SPEN: variants seen among roughly 807,000 people sequenced by gnomAD.
The protein encoded by SPEN is spen family transcriptional repressor.
A neutral mutation model predicts 269.9 loss-of-function variants in SPEN; 18 were observed. That is an observed-to-expected ratio of 0.07 (90% CI 0.05 to 0.10). The LOEUF (loss-of-function observed/expected upper bound fraction) is 0.10, where lower values mean the gene tolerates loss of function less well. Ranked by LOEUF, SPEN falls within the 10% of genes least tolerant of loss-of-function variation. The pLI is 1.00. For synonymous variants in SPEN, 1,726 were observed against 1,765.7 expected (o/e 0.98, Z 0.56); for missense variants, 3,822 against 4,631.2 (o/e 0.83, Z 5.07).
At chr1:15,898,558 C>CTTTTTTTTTT (rs375319827) in intron 3 of SPEN, among the ~76,000 whole-genome samples, 58 of 131,978 alleles carry the variant, frequency 4.4e-4, no homozygotes, top group South Asian at 1.4e-3. Flanking sequence ...TTCTTTTTTT[C>CTTTTTTTTTT]TTTTTTTTTT....
At position 15,937,400 on chromosome 1, in the gene SPEN, G is replaced by C. The variant is rs1344289344; in HGVS notation, c.10264G>C (p.Ala3422Pro). The C allele has an allele frequency of 6.2e-7, 1 of 1,613,612 alleles. No homozygotes were observed. The highest frequency in any genetic ancestry group is 1.3e-5 in the African/African-American group (1 of 74,870). Residue 3422 changes from alanine to proline, a missense_variant, in exon 12 of 15, where the codon GCA becomes CCA. Physicochemically the swap from Ala to Pro is conservative, Grantham distance 27 (BLOSUM62 -1). Around this residue, in one of 16 missense-constraint regions of SPEN, gnomAD observed 359 missense variants for 377.3 expected, o/e 0.95. Transcript: ENST00000375759. This position sits in a 1 kb window ranked among gnomAD's most constrained non-coding sequence, Gnocchi z 5.7. ...PPEPHTQVQR[A>P]QAETGPTSFP... ...TGAGCCTCACACCCAGGTTCAGAGG[G>C]CACAAGCAGAAACAGGCCCGACTTC...
In SPEN at chr1:15,929,367, G is replaced by A; in HGVS notation, c.3127G>A (p.Glu1043Lys). Reference protein sequence around the residue: ...GEAERKPVRKEILKRESKKIK... With the variant: ...GEAERKPVRKKILKRESKKIK... Reference sequence around the variant, plus strand: ...GGCTGAAAGAAAGCCTGTGAGGAAAGAAATTCTTAAAAGAGAATCTAAAAA... The same window carrying A: ...GGCTGAAAGAAAGCCTGTGAGGAAAAAAATTCTTAAAAGAGAATCTAAAAA... Residue 1043 changes from glutamate to lysine, a missense_variant, in exon 11 of 15, where the codon GAA becomes AAA. Around this residue, in one of 16 missense-constraint regions of SPEN, gnomAD observed 572 missense variants for 582.6 expected, o/e 0.98. Transcript: ENST00000375759. The surrounding 1 kb of genome is among the most constrained non-coding windows in gnomAD (Gnocchi z 5.8). 6.2e-7 allele frequency: 1 copy of A among 1,613,146 alleles called. No homozygotes were observed. The highest frequency in any genetic ancestry group is 8.5e-7 in the Non-Finnish European group (1 of 1,179,712).
intron 3 of SPEN, among the ~76,000 whole-genome samples, 198 bp downstream of exon 3, chr1:15,876,876 T>G (rs1042262853): frequency 5.3e-5 from 8 of 152,246 alleles, no homozygotes; most frequent in Admixed American, 5.2e-4. Context: ...ATTTGCAAAG[T>G]TCTGTTTCAT....
Position 15,937,501 on chromosome 1 carries a change from G to C in SPEN, c.10365G>C (p.Gln3455His). The C allele has an allele frequency of 3.1e-6, 5 of 1,613,804 alleles. No individual in the cohort carries two copies. The highest frequency in any genetic ancestry group is 4.2e-6 in the Non-Finnish European group (5 of 1,179,994). The change falls in exon 12 of 15, where the codon CAG becomes CAC. Residue 3455 changes from glutamine (Q) to histidine (H), a missense_variant. By Grantham distance (24) the Gln-to-His change is conservative (BLOSUM62 0). Around this residue, in one of 16 missense-constraint regions of SPEN, gnomAD observed 359 missense variants for 377.3 expected, o/e 0.95. Transcript: ENST00000375759. This position sits in a 1 kb window ranked among gnomAD's most constrained non-coding sequence, Gnocchi z 5.7. ...VSLPTQTAPKQPLFVPTTSGP... is the reference protein window; with the variant it reads ...VSLPTQTAPKHPLFVPTTSGP... ...TTCCCACTCAGACTGCCCCAAAACA[G>C]CCGTTGTTTGTCCCAACAACCTCTG...
Position 15,930,655 on chromosome 1 carries a change from C to T in SPEN, c.4415C>T (p.Ala1472Val), listed in dbSNP as rs762220680. The change falls in exon 11 of 15, where the codon GCA becomes GTA. Residue 1472 changes from alanine (A) to valine (V), a missense_variant. By Grantham distance (64) the Ala-to-Val change is moderately conservative. Around this residue, in one of 16 missense-constraint regions of SPEN, gnomAD observed 267 missense variants for 315.5 expected, o/e 0.85. Transcript: ENST00000375759. This position sits in a 1 kb window ranked among gnomAD's most constrained non-coding sequence, Gnocchi z 5.3. ...TTTCTTGATTGGGACTCCCGATTTG[C>T]AAATTTTCGAAACAACAAAGATAAA... Reference protein sequence around the residue: ...WSFLDWDSRFANFRNNKDKEK... With the variant: ...WSFLDWDSRFVNFRNNKDKEK... The T allele has an allele frequency of 1.9e-6, 3 of 1,614,080 alleles. No individual in the cohort carries two copies. The highest frequency in any genetic ancestry group is 2.5e-6 in the Non-Finnish European group (3 of 1,180,012).
chr1:15,892,683 A>C (rs528162628), intron 3 of SPEN, among the ~76,000 whole-genome samples: 10 of 152,292 alleles, frequency 6.6e-5, no homozygotes, highest in African/African-American at 1.9e-4. Flanking sequence ...GGCTCAACCG[A>C]AATATTTATT....
At chr1:15,879,004 C>CAAAAAAAAAAAAAAAAA (rs3048559) in intron 3 of SPEN, among the ~76,000 whole-genome samples, 1 of 76,520 alleles carries the variant, frequency 1.3e-5, no homozygotes, top group Non-Finnish European at 2.5e-5. Context: ...GACTCTGTCT[C>CAAAAAAAAAAAAAAAAA]AAAAAAAAAA....
chr1:15,871,404 G>C (rs964595782), intron 1 of SPEN, among the ~76,000 whole-genome samples: 1 of 151,986 alleles, frequency 6.6e-6, no homozygotes, highest in Non-Finnish European at 1.5e-5. Flanking sequence ...GCAGTGGCAC[G>C]ATCTTGGCAC....
At chr1:15,914,834 A>AAAG (rs376970326) in intron 5 of SPEN, among the ~76,000 whole-genome samples, 1 of 152,238 alleles carries the variant, frequency 6.6e-6, no homozygotes, top group African/African-American at 2.4e-5. Flanking sequence ...CAAAGAAAAA[A>AAAG]AAGAAGAAGA....
chr1:15,849,069 A>G (rs762580475), intron 1 of SPEN, among the ~76,000 whole-genome samples: 2 of 152,212 alleles, frequency 1.3e-5, no homozygotes, highest in Non-Finnish European at 2.9e-5. Flanking sequence ...AGTAGCGTGT[A>G]GTGCGTTTTC....
intron 1 of SPEN, among the ~76,000 whole-genome samples, chr1:15,852,642 C>T (rs770822877): frequency 5.9e-5 from 9 of 152,042 alleles, no homozygotes; most frequent in Non-Finnish European, 1.2e-4. Context: ...CTCGTGATTG[C>T]TGGGATTGTA....
intron 1 of SPEN, among the ~76,000 whole-genome samples, chr1:15,862,797 T>C (rs2070460715): frequency 6.6e-6 from 1 of 151,884 alleles, no homozygotes; most frequent in Non-Finnish European, 1.5e-5. Context: ...AGTCTCGCTC[T>C]GTCGCCCAGG....
intron 1 of SPEN, among the ~76,000 whole-genome samples, chr1:15,859,358 C>CTT (rs143092339): frequency 0.032 from 3,716 of 115,472 alleles, 248 homozygotes; most frequent in African/African-American, 0.099. Flanking sequence ...TTTTTCTTTT[C>CTT]TTTTTTTTTT....
chr1:15,939,403 C>T lies in SPEN; in HGVS notation c.10971C>T (p.Leu3657=), dbSNP rs763459966. 1.2e-6 allele frequency: 2 copies of T among 1,602,626 alleles called. No homozygotes were observed. Among genetic ancestry groups the T allele is most frequent in the Admixed American group, 3.4e-5 (2 of 58,548 alleles). Residue 3657 remains leucine (L), a synonymous_variant, in exon 15 of 15, where the codon CTC becomes CTT. Transcript: ENST00000375759. The surrounding 1 kb of genome is among the most constrained non-coding windows in gnomAD (Gnocchi z 4.1). ...GCATCTCCAACATCTCTCCCCACCT[C>T]ATGATTGTCATTGCCTCCGTGTGAG... The part of the protein sequence containing the change: ...LASISNISPH[L]MIVIASV
intron 6 of SPEN, among the ~76,000 whole-genome samples, chr1:15,918,213 A>G (rs1303396965): frequency 6.6e-6 from 1 of 152,172 alleles, no homozygotes. Flanking sequence ...ATCTTCTCAG[A>G]TATCATATTT....
rs1172767785 is a variant in SPEN, at chr1:15,892,122, G to A, written c.881+15444G>A. 7.0e-5 allele frequency among the ~76,000 whole-genome samples: 10 copies of A among 143,316 alleles called. No individual in the cohort carries two copies. The East Asian group carries it at 1.5e-3, about 21-fold the overall frequency. 94.0% of individuals were successfully genotyped at this position (143,316 alleles called of 152,430 possible). A position where few individuals can be genotyped will look rare whatever the true frequency, so the allele number is the denominator to read the frequency against. On this transcript the variant is annotated intron_variant, in intron 3 of 14. Transcript: ENST00000375759. ...TGTAAGCTCCGCCTCCCCGGTTCACGTCATTCTCCTGCCTCAGCCTCCCGA... is the reference window on the plus strand; with the variant it reads ...TGTAAGCTCCGCCTCCCCGGTTCACATCATTCTCCTGCCTCAGCCTCCCGA...
At chr1:15,904,440 G>A (rs1258081114) in intron 3 of SPEN, among the ~76,000 whole-genome samples, 5 of 48,990 alleles carry the variant, frequency 1.0e-4, no homozygotes, top group Admixed American at 3.8e-4. Context: ...CAATAAGAGC[G>A]AAACTCCATC....
At chr1:15,898,173 TTGTGTGTGTGTGTGTGTGTG>T in intron 3 of SPEN, among the ~76,000 whole-genome samples, 1 of 147,496 alleles carries the variant, frequency 6.8e-6, no homozygotes, top group African/African-American at 2.5e-5. Flanking sequence ...TAATTTATCT[TTGTGTGTGTGTGTGTGTGTG>T]TGTGTGTGTG....
intron 1 of SPEN, among the ~76,000 whole-genome samples, chr1:15,865,050 CTTAATT>C (rs150604086): frequency 0.057 from 8,641 of 151,732 alleles, 298 homozygotes; most frequent in South Asian, 0.15. Context: ...TGTTTTTAAT[CTTAATT>C]TTAATTTTTT....
Sources: gnomAD v4.1 joint callset for allele counts (sites outside exome capture counted in the v4.1 genomes callset) on GRCh38, gnomAD v4.1.1 for gene constraint, gnomAD v4.1.1 regional missense constraint, Gnocchi (gnomAD v3.1) non-coding constraint, MANE v1.5 for transcripts, NCBI Gene and HGNC (gene_info 2026-07-23, HGNC 2026-07-21) for gene names.